WWC1: variants seen among roughly 807,000 people sequenced by gnomAD.
The protein encoded by WWC1 is WW and C2 domain containing 1, also known as protein KIBRA.
WWC1 carries 55 observed loss-of-function variants against 138.4 expected under a neutral mutation model. The ratio of observed to expected loss-of-function variants is 0.40; its 90% CI spans 0.32 to 0.50. The LOEUF (loss-of-function observed/expected upper bound fraction) is 0.50, where lower values mean the gene tolerates loss of function less well. Among genes scored for constraint, WWC1 ranks in the 20% least tolerant of loss-of-function variants. WWC1 has a pLI of 0.72. For synonymous variants in WWC1, 524 were observed against 564.9 expected (o/e 0.93, Z 1.03); for missense variants, 1,226 against 1,420.4 (o/e 0.86, Z 2.20).
At position 168,431,477 on chromosome 5, in the gene WWC1, GC is replaced by G. The variant is rs773352018; in HGVS notation, c.2280+34del. On this transcript the variant is annotated intron_variant, in intron 15 of 22. Transcript: ENST00000265293. ...CCGTGTCTGGCTGGCTGGCTGGCTG[GC>G]TGGCTGGCTGGCTGGCTGGCTGGCT... is the stretch of plus-strand genomic sequence containing the variant. 27 of 1,527,620 alleles carry G rather than the reference GC, an allele frequency of 1.8e-5. No individual in the cohort carries two copies. The African/African-American group carries it at 3.2e-4, about 18-fold the overall frequency. The allele number at this position is 1,527,620 out of a possible 1,614,324, so 94.6% of individuals were successfully genotyped here.
At chr5:168,416,696 TC>T (rs1780687794) in intron 9 of WWC1, among the ~76,000 whole-genome samples, 1 of 152,184 alleles carries the variant, frequency 6.6e-6, no homozygotes, top group Non-Finnish European at 1.5e-5. Context: ...AATACGCTTC[TC>T]ACTTGCTGAC....
At chr5:168,389,245 G>A (rs62384075) in intron 3 of WWC1, among the ~76,000 whole-genome samples, 3 of 151,936 alleles carry the variant, frequency 2.0e-5, no homozygotes, top group East Asian at 1.9e-4. Context: ...TCAGGAGATC[G>A]AGACCATCCC....
chr5:168,461,488 G>A (rs908193626), intron 20 of WWC1, among the ~76,000 whole-genome samples: 8 of 152,214 alleles, frequency 5.3e-5, no homozygotes, highest in Non-Finnish European at 1.0e-4. Flanking sequence ...CCTGAAGCAG[G>A]GAAGTGCAAA....
rs755929347 is a variant in WWC1 at position 168,406,214 on chromosome 5, T to G, written c.607T>G (p.Ser203Ala). The change falls in exon 6 of 23, where the codon TCT becomes GCT. Residue 203 changes from serine to alanine, a missense_variant. Transcript: ENST00000265293. ...GTCTCCTAGAATCGATAAGAAAATG[T>G]CTGATGCTCAGGGCAGCTACAAACT... is the stretch of plus-strand genomic sequence containing the variant. ...QTLKKIDKKMSDAQGSYKLDE... is the reference protein window; with the variant it reads ...QTLKKIDKKMADAQGSYKLDE... The G allele has an allele frequency of 6.2e-7, 1 of 1,614,022 alleles. No individual in the cohort carries two copies. Among genetic ancestry groups the G allele is most frequent in the South Asian group, 1.1e-5 (1 of 91,080 alleles).
intron 5 of WWC1, among the ~76,000 whole-genome samples, chr5:168,404,391 C>A (rs943795809): frequency 1.3e-5 from 2 of 152,204 alleles, no homozygotes; most frequent in African/African-American, 4.8e-5. Flanking sequence ...ATAGGCCTGC[C>A]GAGGCCCGAG....
chr5:168,410,525 T>A (rs891688481), intron 8 of WWC1, among the ~76,000 whole-genome samples: 2 of 152,240 alleles, frequency 1.3e-5, no homozygotes, highest in African/African-American at 4.8e-5. Context: ...AGCTGACATT[T>A]TTAGAGCATC....
chr5:168,362,775 C>T (rs904476390), intron 1 of WWC1, among the ~76,000 whole-genome samples: 1 of 152,130 alleles, frequency 6.6e-6, no homozygotes, highest in African/African-American at 2.4e-5. Context: ...AGGGGATGGA[C>T]CCAAAGGGCA....
At chr5:168,411,573 GTC>G (rs1020141364) in intron 8 of WWC1, 13 of 152,188 alleles carry the variant, frequency 8.5e-5, no homozygotes, top group African/African-American at 3.1e-4. Context: ...CCCAGACTCA[GTC>G]TCTCTCCTTT....
At chr5:168,449,370 C>T (rs1001519302) in intron 17 of WWC1, among the ~76,000 whole-genome samples, 2 of 152,154 alleles carry the variant, frequency 1.3e-5, no homozygotes, top group African/African-American at 4.8e-5. Context: ...CACAACTAGC[C>T]TGCCACATTG....
chr5:168,423,500 C>T, intron 10 of WWC1, 33 bp from the exon 11 acceptor site: 1 of 1,582,576 alleles, frequency 6.3e-7, no homozygotes, highest in South Asian at 1.2e-5. Flanking sequence ...TCACTGTGTG[C>T]ATCTCACTGT....
In WWC1 at chr5:168,292,710, G is replaced by C. The variant is rs1031818176; in HGVS notation, c.119+439G>C. On this transcript the variant is annotated intron_variant, in intron 1 of 22. Coordinates refer to ENST00000265293, the MANE Select transcript of WWC1 (RefSeq NM_015238.3). This position sits in a 1 kb window ranked among gnomAD's most constrained non-coding sequence, Gnocchi z 4.4. ...ATGGGGATGGGGAAGTGTCCGGTTA[G>C]AGGGGGTGGTCAAGACCCCAGGATT... 6.6e-6 allele frequency among the ~76,000 whole-genome samples: 1 copy of C among 152,166 alleles called. No individual in the cohort carries two copies. Among genetic ancestry groups the C allele is most frequent in the African/African-American group, 2.4e-5 (1 of 41,440 alleles).
chr5:168,353,805 C>G (rs1488638309), intron 1 of WWC1, among the ~76,000 whole-genome samples: 1 of 152,220 alleles, frequency 6.6e-6, no homozygotes, highest in East Asian at 1.9e-4. Context: ...CTCTACAGAA[C>G]CTCCTGGGAG....
chr5:168,461,139 G>A (rs1756769690), intron 20 of WWC1, among the ~76,000 whole-genome samples: 1 of 151,962 alleles, frequency 6.6e-6, no homozygotes, highest in Admixed American at 6.6e-5. Context: ...GACCAGCCTG[G>A]CCAACACAGT....
At chr5:168,361,651 G>A (rs1279391574) in intron 1 of WWC1, among the ~76,000 whole-genome samples, 2 of 152,180 alleles carry the variant, frequency 1.3e-5, no homozygotes, top group Non-Finnish European at 2.9e-5. Context: ...CAGGTCCCCT[G>A]GGTCCTTGGG....
In WWC1 at chr5:168,446,611, A is replaced by C. The variant is rs555254315; in HGVS notation, c.2525+2026A>C. 1.4e-4 allele frequency among the ~76,000 whole-genome samples: 21 copies of C among 152,340 alleles called. No homozygotes were observed. The Middle Eastern group carries it at 0.017, about 123-fold the overall frequency. ...CTCTGTAACTAGCACCAAATCAAGA[A>C]GCAGAATGTGACGAGCACCACAGAA... On this transcript the variant is annotated intron_variant, in intron 17 of 22. Coordinates refer to ENST00000265293, the MANE Select transcript of WWC1 (RefSeq NM_015238.3).
At chr5:168,419,988 T>C (rs1356444219) in intron 9 of WWC1, among the ~76,000 whole-genome samples, 1 of 152,208 alleles carries the variant, frequency 6.6e-6, no homozygotes, top group African/African-American at 2.4e-5. Flanking sequence ...TTCTGTGACA[T>C]TCCGTCACAT....
chr5:168,347,279 G>T (rs972398489), intron 1 of WWC1, among the ~76,000 whole-genome samples: 1 of 152,218 alleles, frequency 6.6e-6, no homozygotes, highest in Admixed American at 6.5e-5. Context: ...TGTCAGTCAT[G>T]TGCCCTCCAG....
chr5:168,360,300 A>G (rs968173262), intron 1 of WWC1, among the ~76,000 whole-genome samples: 3 of 152,204 alleles, frequency 2.0e-5, no homozygotes, highest in East Asian at 3.8e-4. Context: ...AATAGGGTCT[A>G]TGTAAGGGAC....
At chr5:168,345,139 C>G (rs1049025135) in intron 1 of WWC1, among the ~76,000 whole-genome samples, 2 of 152,142 alleles carry the variant, frequency 1.3e-5, no homozygotes, top group South Asian at 4.1e-4. Context: ...GAGGTTCACT[C>G]TGTTGCCCAG....
Sources: gnomAD v4.1 joint callset for allele counts (sites outside exome capture counted in the v4.1 genomes callset) on GRCh38, gnomAD v4.1.1 for gene constraint, Gnocchi (gnomAD v3.1) non-coding constraint, MANE v1.5 for transcripts, NCBI Gene and HGNC (gene_info 2026-07-23, HGNC 2026-07-21) for gene names.